The following ELP4 variants were observed in gnomAD, a reference collection of about 807,000 sequenced individuals.
The protein encoded by ELP4 is elongator acetyltransferase complex subunit 4.
In ELP4, 51 loss-of-function variants were observed where a neutral mutation model predicts 48.9. That is an observed-to-expected ratio of 1.04 (90% CI 0.83 to 1.32). The LOEUF (loss-of-function observed/expected upper bound fraction) is 1.32. Among genes scored for constraint, ELP4 ranks in the 40% most tolerant of loss-of-function variants. The pLI, the probability that ELP4 is intolerant of heterozygous loss-of-function variation, is 0.00. For synonymous variants in ELP4, 210 were observed against 189.2 expected (o/e 1.11, Z -0.90); for missense variants, 519 against 514.6 (o/e 1.01, Z -0.08).
At position 31,742,317 on chromosome 11, in the gene ELP4, ACT is replaced by A. The variant is rs1947474645; in HGVS notation, c.1144-41073_1144-41072del. Among the ~76,000 whole-genome samples the A allele has an allele frequency of 2.0e-5, 3 of 152,194 alleles. No individual in the cohort carries two copies. In the South Asian group the frequency reaches 6.2e-4, roughly 31 times the overall value. ...TGAGAATGGAACCAAGTTGGAAAACACTCTGCAGGATATTATCCAGGAGAACT... is the reference window on the plus strand; with the variant it reads ...TGAGAATGGAACCAAGTTGGAAAACACTGCAGGATATTATCCAGGAGAACT... On this transcript the variant is annotated intron_variant, in intron 9 of 9. Transcript: ENST00000640961.
chr11:31,650,185 A>G lies in ELP4; in HGVS notation c.1107A>G (p.Leu369=). 6.6e-7 allele frequency: 1 copy of G among 1,504,504 alleles called. No individual in the cohort carries two copies. Among genetic ancestry groups the G allele is most frequent in the Non-Finnish European group, 9.2e-7 (1 of 1,090,950 alleles). The allele number at this position is 1,504,504 out of a possible 1,614,324, so 93.2% of individuals were successfully genotyped here. ...GTGATGAATCAGATGTCAAAGACTTAGCTTTTAAATTAAAAAGGAAGCTAT... is the reference window on the plus strand; with the variant it reads ...GTGATGAATCAGATGTCAAAGACTTGGCTTTTAAATTAAAAAGGAAGCTAT... ...LICDESDVKD[L]AFKLKRKLFT... The change falls in exon 9 of 10, where the codon TTA becomes TTG. Residue 369 remains leucine (L), a synonymous_variant. Coordinates refer to ENST00000640961, the MANE Select transcript of ELP4 (RefSeq NM_019040.5).
At chr11:31,643,181 A>C (rs1158335558) in intron 7 of ELP4, among the ~76,000 whole-genome samples, 1 of 151,814 alleles carries the variant, frequency 6.6e-6, no homozygotes, top group African/African-American at 2.4e-5. Flanking sequence ...AGTAACTTAA[A>C]TATTTATCTA....
intron 9 of ELP4, among the ~76,000 whole-genome samples, chr11:31,697,858 A>T (rs1946442544): frequency 6.6e-6 from 1 of 152,196 alleles, no homozygotes; most frequent in Non-Finnish European, 1.5e-5. Flanking sequence ...GATGAAGAAG[A>T]GAATTGTCTC....
chr11:31,730,746 G>A (rs1419184119), intron 9 of ELP4, among the ~76,000 whole-genome samples: 1 of 152,184 alleles, frequency 6.6e-6, no homozygotes, highest in Non-Finnish European at 1.5e-5. Flanking sequence ...TCTATCTCAA[G>A]GGGAAAGAGA....
chr11:31,510,119 A>T lies in ELP4; in HGVS notation c.223+112A>T, dbSNP rs538580262. ...TTTCTGACCCCTAAACCTTCGGAGG[A>T]GGAGAGAATAGCCTGGTCTGATTGA... is the stretch of plus-strand genomic sequence containing the variant. On this transcript the variant is annotated intron_variant, in intron 1 of 9. Coordinates refer to ENST00000640961, the MANE Select transcript of ELP4 (RefSeq NM_019040.5). 37 of 940,256 alleles carry T rather than the reference A, an allele frequency of 3.9e-5. No individual in the cohort carries two copies. The African/African-American group carries it at 5.3e-4, about 14-fold the overall frequency. 58.2% of individuals were successfully genotyped at this position (940,256 alleles called of 1,614,324 possible). A position where few individuals can be genotyped will look rare whatever the true frequency, so the allele number is the denominator to read the frequency against.
chr11:31,740,854 AC>A (rs1394400948), intron 9 of ELP4, among the ~76,000 whole-genome samples: 8 of 152,218 alleles, frequency 5.3e-5, no homozygotes, highest in Admixed American at 2.0e-4. Flanking sequence ...CAACTGAGGT[AC>A]CAGGTTCATC....
chr11:31,635,257 A>G (rs1046360964), intron 7 of ELP4, among the ~76,000 whole-genome samples: 4 of 152,038 alleles, frequency 2.6e-5, no homozygotes, highest in Non-Finnish European at 4.4e-5. Context: ...ACGAATACAT[A>G]TAACCAGGGC....
intron 9 of ELP4, 21 bp from the exon 10 acceptor site, chr11:31,783,372 T>C: frequency 6.3e-7 from 1 of 1,589,674 alleles, no homozygotes; most frequent in South Asian, 1.1e-5. Context: ...TTTTTTCTTC[T>C]CCTGAAATCT....
chr11:31,777,268 A>G (rs1020101582), intron 9 of ELP4, among the ~76,000 whole-genome samples: 6 of 152,028 alleles, frequency 3.9e-5, no homozygotes, highest in African/African-American at 1.5e-4. Context: ...CCTCCCCTCC[A>G]TCCTCCTCCT....
chr11:31,749,884 C>A (rs1456598223), intron 9 of ELP4, among the ~76,000 whole-genome samples: 4 of 146,880 alleles, frequency 2.7e-5, no homozygotes, highest in Non-Finnish European at 5.9e-5. Context: ...GAGACGGAGT[C>A]TCGCTCTGTC....
At chr11:31,676,157 C>G (rs927791295) in intron 9 of ELP4, among the ~76,000 whole-genome samples, 6 of 152,084 alleles carry the variant, frequency 3.9e-5, no homozygotes, top group Non-Finnish European at 7.4e-5. Flanking sequence ...ACACTGGCCT[C>G]CTTGCTTGAA....
intron 7 of ELP4, among the ~76,000 whole-genome samples, chr11:31,634,969 A>G (rs193231620): frequency 2.9e-3 from 435 of 152,080 alleles, no homozygotes; most frequent in Non-Finnish European, 3.5e-3. Context: ...TTGCAAAGTT[A>G]TCATATAGTA....
At chr11:31,633,248 T>C (rs2134047910) in intron 7 of ELP4, 1 of 152,188 alleles carries the variant, frequency 6.6e-6, no homozygotes, top group East Asian at 1.9e-4. Context: ...GTTACATTCA[T>C]TATATACAGC....
Position 31,509,799 on chromosome 11 carries a change from AACCTGCGGTAGTGTTGC to A in ELP4, c.16_32del (p.Thr6ArgfsTer24). Reference sequence around the variant, plus strand: ...GAGGCTCTAAGATGGCGGCAGTGGCAACCTGCGGTAGTGTTGCCGCGAGTACTGGGTCTGCAGTGGCG... The same window carrying A: ...GAGGCTCTAAGATGGCGGCAGTGGCACGCGAGTACTGGGTCTGCAGTGGCG... On this transcript the variant is annotated frameshift_variant, in exon 1 of 10. Coordinates refer to ENST00000640961, the MANE Select transcript of ELP4 (RefSeq NM_019040.5). LOFTEE classifies it high-confidence loss of function. The A allele has an allele frequency of 6.2e-7, 1 of 1,614,128 alleles. No homozygotes were observed. Among genetic ancestry groups the A allele is most frequent in the African/African-American group, 1.3e-5 (1 of 75,064 alleles).
chr11:31,694,632 T>A (rs376726259), intron 9 of ELP4, among the ~76,000 whole-genome samples: 5 of 152,110 alleles, frequency 3.3e-5, no homozygotes, highest in African/African-American at 7.2e-5. Context: ...CTTAGGATTG[T>A]CTTGGCAATG....
chr11:31,576,116 A>G (rs1957273343), intron 3 of ELP4, among the ~76,000 whole-genome samples: 1 of 152,238 alleles, frequency 6.6e-6, no homozygotes, highest in Admixed American at 6.5e-5. Flanking sequence ...CAAATGGAAA[A>G]CAAAAATAGG....
intron 3 of ELP4, 104 bp downstream of exon 3, chr11:31,539,887 T>A (rs1956565396): frequency 1.2e-6 from 1 of 861,784 alleles, no homozygotes; most frequent in Non-Finnish European, 1.6e-6. Context: ...AAACTATATT[T>A]AAATGCATTA....
intron 6 of ELP4, among the ~76,000 whole-genome samples, chr11:31,628,635 A>G (rs1272553172): frequency 6.6e-6 from 1 of 152,078 alleles, no homozygotes; most frequent in East Asian, 1.9e-4. Context: ...TTTCTGAACC[A>G]GAGATTCTAT....
chr11:31,663,743 A>G (rs951460832), intron 9 of ELP4: 2 of 151,968 alleles, frequency 1.3e-5, no homozygotes, highest in African/African-American at 2.4e-5. Flanking sequence ...TGAAGTTTAA[A>G]GGGTGAATAT....
Sources: allele counts gnomAD v4.1 joint callset (sites outside exome capture counted in the v4.1 genomes callset), GRCh38; gene constraint gnomAD v4.1.1; transcripts MANE v1.5; gene names NCBI Gene and HGNC (gene_info 2026-07-23, HGNC 2026-07-21).